MGAM: variants seen among roughly 807,000 people sequenced by gnomAD.
MGAM encodes maltase-glucoamylase.
Under a neutral mutation model 358.8 loss-of-function variants are expected in MGAM, and 253 were observed. That is an observed-to-expected ratio of 0.71 (90% CI 0.64 to 0.78). The LOEUF (loss-of-function observed/expected upper bound fraction) is 0.78. Among genes scored for constraint, MGAM ranks in the 30% least tolerant of loss-of-function variants. The probability of loss-of-function intolerance (pLI) is 0.00; values close to 1 mark genes in which losing one functional copy is unlikely to be tolerated. For synonymous variants in MGAM, 1,105 were observed against 1,227.1 expected (o/e 0.90, Z 2.08); for missense variants, 3,080 against 3,432.6 (o/e 0.90, Z 2.57).
intron 26 of MGAM, 140 bp from the exon 27 acceptor site, chr7:142,054,609 CTGATA>C: frequency 1.1e-6 from 1 of 931,780 alleles, no homozygotes; most frequent in East Asian, 2.5e-5. Flanking sequence ...ACATTGTTAT[CTGATA>C]TATTAATTAA....
At position 142,068,516 on chromosome 7, in the gene MGAM, G is replaced by T. The variant is rs552896119; in HGVS notation, c.5005-131G>T. ...AAACAGGAAGAAGGTTGCCCCAGTT[G>T]TTAACCTCTTGGGACATGAGGCAGC... On this transcript the variant is annotated intron_variant, in intron 42 of 70. Coordinates refer to ENST00000475668, the MANE Select transcript of MGAM (RefSeq NM_001365693.1). 100 of 723,896 alleles carry T rather than the reference G, an allele frequency of 1.4e-4. 6 individuals carry two copies. In the African/African-American group the frequency reaches 1.6e-3, roughly 12 times the overall value. The allele number at this position is 723,896 out of a possible 1,614,324, so 44.8% of individuals were successfully genotyped here. A position where few individuals can be genotyped will look rare whatever the true frequency, so the allele number is the denominator to read the frequency against.
Position 142,040,186 on chromosome 7 carries a change from C to A in MGAM, c.2373+15C>A. 3 of 1,599,980 alleles carry A rather than the reference C, an allele frequency of 1.9e-6. No homozygotes were observed. In the South Asian group the frequency reaches 3.3e-5, roughly 18 times the overall value. On this transcript the variant is annotated intron_variant, in intron 20 of 70. Transcript: ENST00000475668. ...ACTACGAGACTGTAAGTAGCTTTGA[C>A]TTTTCTTCTACTCCTTAAGACTGTA...
chr7:141,989,977 G>T (rs1380915876), intron 2 of MGAM, among the ~76,000 whole-genome samples: 2 of 152,130 alleles, frequency 1.3e-5, no homozygotes, highest in Non-Finnish European at 2.9e-5. Context: ...TTCCATGTAG[G>T]AGGAGGAAGG....
At position 142,056,875 on chromosome 7, in the gene MGAM, G is replaced by T. The variant is rs1811601153; in HGVS notation, c.3626G>T (p.Gly1209Val). 3.1e-6 allele frequency: 5 copies of T among 1,613,706 alleles called. No individual in the cohort carries two copies. The highest frequency in any genetic ancestry group is 4.2e-6 in the Non-Finnish European group (5 of 1,179,848). The part of the protein sequence containing the change: ...PLPALTYRTT[G>V]GVLDFYVFLG... Reference sequence around the variant, plus strand: ...CCTGCCTTGACATACCGCACCACAGGGGGAGTTCTGGACTTTTATGTGTTC... The same window carrying T: ...CCTGCCTTGACATACCGCACCACAGTGGGAGTTCTGGACTTTTATGTGTTC... Residue 1209 changes from glycine to valine, a missense_variant, in exon 30 of 71, where the codon GGG (glycine) becomes GTG (valine). Physicochemically the swap from Gly to Val is moderately radical, Grantham distance 109 (BLOSUM62 -3). Transcript: ENST00000475668.
At chr7:142,085,782 A>T in intron 54 of MGAM, 51 bp from the exon 55 acceptor site, 1 of 1,533,444 alleles carries the variant, frequency 6.5e-7, no homozygotes, top group Non-Finnish European at 8.9e-7. Flanking sequence ...TCTCCTATAA[A>T]GCTTGGGCGT....
intron 36 of MGAM, among the ~76,000 whole-genome samples, chr7:142,063,816 A>T (rs1320719257): frequency 6.6e-6 from 1 of 152,218 alleles, no homozygotes; most frequent in Non-Finnish European, 1.5e-5. Flanking sequence ...CACTTAGCAG[A>T]GCTCATGGCA....
upstream of MGAM, among the ~76,000 whole-genome samples, chr7:141,993,850 CT>C (rs1554447832): frequency 6.6e-6 from 1 of 152,186 alleles, no homozygotes; most frequent in African/African-American, 2.4e-5. Context: ...AGACATATCG[CT>C]TTATTGTTAG....
rs1554457535 is a variant in MGAM at position 142,019,270 on chromosome 7, C to G, written c.399C>G (p.Ser133=). Residue 133 remains serine, a synonymous_variant, in exon 4 of 71, where the codon TCC becomes TCG. Transcript: ENST00000475668. ...GAVSVPWCYY[S]KNHSYHVEGN... Reference sequence around the variant, plus strand: ...TAAGTGTTCCCTGGTGCTACTATTCCAAGAATCATAGCTACCATGTAGAGG... The same window carrying G: ...TAAGTGTTCCCTGGTGCTACTATTCGAAGAATCATAGCTACCATGTAGAGG... 3.1e-6 allele frequency: 5 copies of G among 1,613,494 alleles called. No homozygotes were observed. Among genetic ancestry groups the G allele is most frequent in the Non-Finnish European group, 4.2e-6 (5 of 1,179,620 alleles).
At chr7:142,042,038 CATATAAT>C (rs1808819911) in intron 21 of MGAM, among the ~76,000 whole-genome samples, 1 of 34,646 alleles carries the variant, frequency 2.9e-5, no homozygotes, top group African/African-American at 1.8e-4. Flanking sequence ...ATATTATATA[CATATAAT>C]ATATAATATA....
At chr7:142,067,538 A>T in intron 42 of MGAM, 113 bp downstream of exon 42, 5 of 860,666 alleles carry the variant, frequency 5.8e-6, no homozygotes, top group Non-Finnish European at 9.0e-6. Context: ...TTCTTATTCT[A>T]CCTGTGTCTC....
chr7:142,024,100 G>A (rs978366256), intron 7 of MGAM, among the ~76,000 whole-genome samples: 18 of 151,920 alleles, frequency 1.2e-4, no homozygotes, highest in Non-Finnish European at 8.8e-5. Flanking sequence ...GTGGTGGCGG[G>A]TGCCTGTAGT....
intron 21 of MGAM, among the ~76,000 whole-genome samples, chr7:142,047,492 T>TCA (rs755276574): frequency 2.0e-5 from 3 of 152,200 alleles, no homozygotes; most frequent in Non-Finnish European, 2.9e-5. Context: ...CTCTGTATTC[T>TCA]AAGTAGTAGT....
chr7:141,989,626 G>C lies in MGAM; in HGVS notation c.-2-15903G>C, dbSNP rs75527786. On this transcript the variant is annotated intron_variant, in intron 2 of 5. Coordinates refer to the MGAM transcript ENST00000465654. ...GATGGAGTGCAGTGGTGCTATCATA[G>C]CTCCCTGCAGCCTCAAACTCCTGGG... is the stretch of plus-strand genomic sequence containing the variant. Among the ~76,000 whole-genome samples the C allele has an allele frequency of 2.4e-3, 360 of 151,394 alleles. 9 individuals carry two copies. In the East Asian group the frequency reaches 0.063, roughly 26 times the overall value.
chr7:142,072,996 A>T (rs1813465605), intron 44 of MGAM, among the ~76,000 whole-genome samples: 1 of 146,274 alleles, frequency 6.8e-6, no homozygotes, highest in African/African-American at 2.4e-5. Context: ...AAATCCAAGA[A>T]CATTTTAGCA....
intron 33 of MGAM, 68 bp from the exon 34 acceptor site, chr7:142,060,243 T>C: frequency 6.3e-7 from 1 of 1,581,512 alleles, no homozygotes; most frequent in Non-Finnish European, 8.7e-7. Flanking sequence ...TGTATAACAA[T>C]TTATTAGGAA....
intron 67 of MGAM, among the ~76,000 whole-genome samples, chr7:142,100,256 T>A (rs1440321249): frequency 1.3e-5 from 2 of 152,176 alleles, no homozygotes; most frequent in Non-Finnish European, 2.9e-5. Flanking sequence ...ATAAATTCTG[T>A]GAGGTTAGTA....
chr7:142,070,037 A>C (rs28570409), intron 43 of MGAM, among the ~76,000 whole-genome samples: 13,919 of 144,168 alleles, frequency 0.097, 2,023 homozygotes, highest in African/African-American at 0.23. Context: ...ATGAAAAATA[A>C]AAACAATTAG....
chr7:142,105,277 C>T (rs550555585), intron 70 of MGAM, among the ~76,000 whole-genome samples: 23 of 148,132 alleles, frequency 1.6e-4, no homozygotes, highest in African/African-American at 5.7e-4. Flanking sequence ...TTCTCTTCAG[C>T]GGTTGCATAT....
In MGAM at chr7:142,082,879, TG is replaced by T. The variant is rs2129053575; in HGVS notation, c.6268+311del. Reference sequence around the variant, plus strand: ...TAAAATTTGAATTAGGGTAAAACTATGGGTCAGAGAAGTTAGTCTGGGGATT... The same window carrying T: ...TAAAATTTGAATTAGGGTAAAACTATGGTCAGAGAAGTTAGTCTGGGGATT... On this transcript the variant is annotated intron_variant, in intron 52 of 70. Transcript: ENST00000475668. 2.1e-5 allele frequency among the ~76,000 whole-genome samples: 3 copies of T among 145,978 alleles called. 1 individual carries two copies. The South Asian group carries it at 6.6e-4, about 32-fold the overall frequency.
Sources: allele counts gnomAD v4.1 joint callset (sites outside exome capture counted in the v4.1 genomes callset), GRCh38; gene constraint gnomAD v4.1.1; transcripts MANE v1.5; gene names NCBI Gene and HGNC (gene_info 2026-07-23, HGNC 2026-07-21).